SH3BP5: variants seen among roughly 807,000 people sequenced by gnomAD.
SH3BP5 encodes the protein SH3 domain-binding protein 5.
A neutral mutation model predicts 43.3 loss-of-function variants in SH3BP5; 22 were observed. The ratio of observed to expected loss-of-function variants is 0.51; its 90% CI spans 0.36 to 0.73. The LOEUF is 0.73. Ranked by LOEUF, SH3BP5 falls within the 30% of genes least tolerant of loss-of-function variation. The probability of loss-of-function intolerance (pLI) is 0.00; values close to 1 mark genes in which losing one functional copy is unlikely to be tolerated. For synonymous variants in SH3BP5, 255 were observed against 225.8 expected (o/e 1.13, Z -1.16); for missense variants, 529 against 586.9 (o/e 0.90, Z 1.02).
intron 3 of SH3BP5, among the ~76,000 whole-genome samples, chr3:15,279,484 G>C (rs1400637450): frequency 6.6e-6 from 1 of 152,042 alleles, no homozygotes; most frequent in African/African-American, 2.4e-5. Context: ...AAGGTCAAAC[G>C]GTTTTGTTCC....
At chr3:15,323,554 G>C (rs899008853) in intron 2 of SH3BP5, among the ~76,000 whole-genome samples, 9 of 152,154 alleles carry the variant, frequency 5.9e-5, no homozygotes, top group Admixed American at 3.3e-4. Flanking sequence ...GCTACCCAGG[G>C]ATGTAGGCAA....
intron 3 of SH3BP5, among the ~76,000 whole-genome samples, chr3:15,286,610 G>C (rs911455007): frequency 6.6e-6 from 1 of 152,230 alleles, no homozygotes. Context: ...TGCAGTGGCA[G>C]TGGCACAATC....
At chr3:15,339,242 G>T (rs9875226) in intron 1 of SH3BP5, among the ~76,000 whole-genome samples, 79,668 of 151,840 alleles carry the variant, frequency 0.52, 22,501 homozygotes, top group African/African-American at 0.73. Flanking sequence ...TCCCCTCTAA[G>T]GAGAACCTTT....
At position 15,256,047 on chromosome 3, in the gene SH3BP5, T is replaced by G. The variant is rs767834871; in HGVS notation, c.*39A>C. On this transcript the variant is annotated 3_prime_UTR_variant, in exon 9 of 9. Transcript: ENST00000383791. ...GCACAATGTTCTCCAGTTCCATGTATAAATGTTGATATGCACATCGGCCAG... is the reference window on the plus strand; with the variant it reads ...GCACAATGTTCTCCAGTTCCATGTAGAAATGTTGATATGCACATCGGCCAG... 6.8e-7 allele frequency: 1 copy of G among 1,476,618 alleles called. No individual in the cohort carries two copies. Among genetic ancestry groups the G allele is most frequent in the South Asian group, 1.2e-5 (1 of 85,356 alleles). The allele number at this position is 1,476,618 out of a possible 1,614,324, so 91.5% of individuals were successfully genotyped here.
chr3:15,312,442 A>G (rs1398198898), intron 2 of SH3BP5, among the ~76,000 whole-genome samples: 1 of 152,148 alleles, frequency 6.6e-6, no homozygotes, highest in Non-Finnish European at 1.5e-5. Flanking sequence ...TTATCCACAA[A>G]AACAAAGCTC....
upstream of SH3BP5, among the ~76,000 whole-genome samples, chr3:15,336,679 A>G (rs3852037): frequency 0.49 from 73,740 of 151,878 alleles, 18,158 homozygotes; most frequent in East Asian, 0.68. Flanking sequence ...AGGTTGCGCT[A>G]AGGACCCACC....
At chr3:15,262,519 T>TG (rs1191185455) in intron 4 of SH3BP5, among the ~76,000 whole-genome samples, 3 of 152,096 alleles carry the variant, frequency 2.0e-5, no homozygotes, top group Non-Finnish European at 4.4e-5. Context: ...CAGCCGGGCC[T>TG]GGTGGTGTGC....
At chr3:15,337,084 G>GTT (rs374056927), upstream of SH3BP5, among the ~76,000 whole-genome samples, 6,864 of 99,372 alleles carry the variant, frequency 0.069, 171 homozygotes, top group African/African-American at 0.11. Context: ...TTTTAGTTTA[G>GTT]TTTTTTTTTT....
chr3:15,311,569 C>CA (rs11449552), intron 2 of SH3BP5, among the ~76,000 whole-genome samples: 152,305 of 152,306 alleles, frequency 1, 76,152 homozygotes, highest in Middle Eastern at 1. Flanking sequence ...AAAAGAAAAA[C>CA]AAAGAAAACT....
intron 6 of SH3BP5, chr3:15,259,294 A>T: frequency 1.7e-6 from 1 of 578,246 alleles, no homozygotes; most frequent in Non-Finnish European, 3.1e-6. Context: ...TGGTGGAACA[A>T]ACCCCATCAG....
In SH3BP5 at chr3:15,296,694, C is replaced by CTTTTTTTTTTT. The variant is rs370273754; in HGVS notation, c.330+7398_330+7408dup. Among the ~76,000 whole-genome samples the CTTTTTTTTTTT allele has an allele frequency of 1.0e-3, 129 of 124,926 alleles. 11 individuals are homozygous for CTTTTTTTTTTT. Among genetic ancestry groups the CTTTTTTTTTTT allele is most frequent in the African/African-American group, 4.3e-3 (124 of 28,938 alleles). The allele number at this position is 124,926 out of a possible 152,430, so 82.0% of individuals were successfully genotyped here. ...ATCCTCCACTTACGAAGTGTTTTTCCTTTTTTTTTTTTTTTTTGAGACAGG... is the reference window on the plus strand; with the variant it reads ...ATCCTCCACTTACGAAGTGTTTTTCCTTTTTTTTTTTTTTTTTTTTTTTTTTTTGAGACAGG... On this transcript the variant is annotated intron_variant, in intron 3 of 8. Transcript: ENST00000383791.
Position 15,259,793 on chromosome 3 carries a change from C to A in SH3BP5, c.637G>T (p.Glu213Ter). 6.2e-7 allele frequency: 1 copy of A among 1,613,982 alleles called. No individual in the cohort carries two copies. The highest frequency in any genetic ancestry group is 1.1e-5 in the South Asian group (1 of 91,070). Residue 213 changes from glutamate (E) to a stop codon, truncating the protein, a stop_gained, in exon 6 of 9, where the codon GAA becomes TAA. Coordinates refer to ENST00000383791, the MANE Select transcript of SH3BP5 (RefSeq NM_004844.5). LOFTEE classifies it high-confidence loss of function. ...RAINKSKPYF[E>*]LKAKYYVQLE... ...TGCACATAGTACTTTGCCTTGAGTT[C>A]AAAATAAGGCCTGCAGAAGACAGGA...
At chr3:15,279,653 A>G (rs977446134) in intron 3 of SH3BP5, among the ~76,000 whole-genome samples, 2 of 152,218 alleles carry the variant, frequency 1.3e-5, no homozygotes, top group African/African-American at 4.8e-5. Flanking sequence ...ACAAACATCC[A>G]AGGTTCCATT....
intron 1 of SH3BP5, chr3:15,332,062 T>G: frequency 1.3e-6 from 1 of 746,620 alleles, no homozygotes; most frequent in Non-Finnish European, 2.1e-6. Context: ...CTCCCCGCAA[T>G]AGAGTCAGGC....
chr3:15,330,377 G>T, intron 2 of SH3BP5, 127 bp downstream of exon 2: 2 of 753,492 alleles, frequency 2.7e-6, no homozygotes, highest in Non-Finnish European at 4.7e-6. Context: ...CTGTCAGGGA[G>T]CTGTTGCTCA....
upstream of SH3BP5, chr3:15,332,763 G>A (rs964681898): frequency 2.4e-5 from 16 of 673,716 alleles, no homozygotes; most frequent in Non-Finnish European, 3.0e-5. Flanking sequence ...CCACCCCCTT[G>A]TAACTTAGCA....
At chr3:15,285,223 C>T (rs904044953) in intron 3 of SH3BP5, among the ~76,000 whole-genome samples, 2 of 152,156 alleles carry the variant, frequency 1.3e-5, no homozygotes, top group Admixed American at 6.5e-5. Context: ...CATGCATTTG[C>T]GATTTTTTTC....
intron 2 of SH3BP5, among the ~76,000 whole-genome samples, chr3:15,321,576 A>G (rs1485148566): frequency 6.6e-6 from 1 of 151,626 alleles, no homozygotes; most frequent in Non-Finnish European, 1.5e-5. Flanking sequence ...ATTATAACAG[A>G]TGGTCATTGT....
chr3:15,322,201 TC>T (rs1698345166), intron 2 of SH3BP5, among the ~76,000 whole-genome samples: 1 of 148,132 alleles, frequency 6.8e-6, no homozygotes, highest in Non-Finnish European at 1.5e-5. Context: ...AGACTCCATC[TC>T]AAAAAAAAAA....
Sources: gnomAD v4.1 joint callset for allele counts (sites outside exome capture counted in the v4.1 genomes callset) on GRCh38, gnomAD v4.1.1 for gene constraint, MANE v1.5 for transcripts, NCBI Gene and HGNC (gene_info 2026-07-23, HGNC 2026-07-21) for gene names.